CCDC14: variants seen among roughly 807,000 people sequenced by gnomAD.
CCDC14 encodes the protein coiled-coil domain containing 14.
CCDC14 carries 71 observed loss-of-function variants against 81.4 expected under a neutral mutation model. That is an observed-to-expected ratio of 0.87 (90% CI 0.72 to 1.06). The LOEUF is 1.06. Ranked by LOEUF, CCDC14 falls within the 50% of genes least tolerant of loss-of-function variation. The pLI, the probability that CCDC14 is intolerant of heterozygous loss-of-function variation, is 0.00. For synonymous variants in CCDC14, 332 were observed against 364.8 expected (o/e 0.91, Z 1.03); for missense variants, 1,046 against 1,047.3 (o/e 1.00, Z 0.02).
chr3:123,955,599 G>C (rs1456610903), intron 5 of CCDC14: 2 of 310,922 alleles, frequency 6.4e-6, no homozygotes, highest in African/African-American at 2.2e-5. Context: ...ATGTCATTCT[G>C]AGTTTGAACT....
chr3:123,893,138 G>A (rs572725601), downstream of CCDC14, among the ~76,000 whole-genome samples: 6 of 152,244 alleles, frequency 3.9e-5, no homozygotes, highest in South Asian at 1.2e-3. Context: ...CAATTTAGTA[G>A]CATTAAGTAC....
chr3:123,945,048 A>T, intron 8 of CCDC14, 58 bp from the exon 9 acceptor site: 1 of 1,178,854 alleles, frequency 8.5e-7, no homozygotes, highest in Non-Finnish European at 1.2e-6. Context: ...CAAGATTATT[A>T]GTATGTATTA....
chr3:123,893,249 C>T (rs907065062), downstream of CCDC14, among the ~76,000 whole-genome samples: 3 of 152,296 alleles, frequency 2.0e-5, no homozygotes, highest in East Asian at 5.8e-4. Context: ...CTCTTCCCTC[C>T]AACACCTGGT....
chr3:123,904,503 G>A (rs2034256086), intron 5 of CCDC14, among the ~76,000 whole-genome samples: 1 of 151,750 alleles, frequency 6.6e-6, no homozygotes, highest in African/African-American at 2.4e-5. Context: ...TTATGTGTAT[G>A]TATAAAGAAT....
At position 123,915,199 on chromosome 3, in the gene CCDC14, G is replaced by A. The variant is rs2700373; in HGVS notation, c.2298C>T (p.Ser766=). ...TTTCTTTTCCAGAGACAGCAAGTCC[G>A]CTGTTGCTGACTAGCTGTGTTGTAG... The part of the protein sequence containing the change: ...RAATTQLVSN[S]GLAVSGKENK... The change falls in exon 13 of 13, where the codon AGC becomes AGT. Residue 766 remains serine (S), a synonymous_variant. Transcript: ENST00000409697. 0.77 allele frequency: 1,243,970 copies of A among 1,613,716 alleles called. 482,064 individuals are homozygous for A. Among genetic ancestry groups the A allele is most frequent in the African/African-American group, 0.94 (70,281 of 75,042 alleles).
Position 123,931,118 on chromosome 3 carries a change from G to A in CCDC14, c.1762C>T (p.Leu588=). 1 of 1,587,470 alleles carries A rather than the reference G, an allele frequency of 6.3e-7. No homozygotes were observed. The highest frequency in any genetic ancestry group is 1.2e-5 in the South Asian group (1 of 85,248). ...LRQRDAEVTR[L]RELTRTLQTS... Reference sequence around the variant, plus strand: ...CAATTTTACCTGGTTAATTCTCTTAGTCGAGTCACCTCAGCATCACGCTGA... The same window carrying A: ...CAATTTTACCTGGTTAATTCTCTTAATCGAGTCACCTCAGCATCACGCTGA... The change falls in exon 12 of 13, where the codon CTA becomes TTA. Residue 588 remains leucine, a synonymous_variant. Transcript: ENST00000409697.
intron 5 of CCDC14, among the ~76,000 whole-genome samples, chr3:123,904,915 T>TG (rs2034272768): frequency 1.3e-5 from 2 of 151,960 alleles, no homozygotes; most frequent in Non-Finnish European, 1.5e-5. Context: ...TGCAGATGAA[T>TG]GGGGGGAGAA....
chr3:123,889,660 T>G, the CCDC14 span, among the ~76,000 whole-genome samples: 1 of 152,188 alleles, frequency 6.6e-6, no homozygotes, highest in Non-Finnish European at 1.5e-5. Context: ...CTGCAGCTTT[T>G]CCAGGTGCAT....
At chr3:123,934,285 A>AAAAC (rs2035933582) in intron 9 of CCDC14, among the ~76,000 whole-genome samples, 1 of 150,666 alleles carries the variant, frequency 6.6e-6, no homozygotes, top group Non-Finnish European at 1.5e-5. Context: ...AAAAAAAAAA[A>AAAAC]AAAAAAAAAA....
chr3:123,891,373 A>G, the CCDC14 span, among the ~76,000 whole-genome samples: 1 of 152,220 alleles, frequency 6.6e-6, no homozygotes, highest in Non-Finnish European at 1.5e-5. Context: ...ATCAGGCTGC[A>G]AATTTTCTGA....
At chr3:123,898,159 C>T (rs1167354643) in intron 5 of CCDC14, among the ~76,000 whole-genome samples, 1 of 152,146 alleles carries the variant, frequency 6.6e-6, no homozygotes, top group Non-Finnish European at 1.5e-5. Flanking sequence ...AGCTATGTGA[C>T]CTTGCACAAG....
At chr3:123,920,696 T>C (rs949299195) in intron 12 of CCDC14, among the ~76,000 whole-genome samples, 2 of 152,228 alleles carry the variant, frequency 1.3e-5, no homozygotes, top group African/African-American at 2.4e-5. Context: ...CTAAAACAAG[T>C]TCTTTAAGCT....
intron 8 of CCDC14, 49 bp downstream of exon 8, chr3:123,946,754 T>G: frequency 1.3e-6 from 2 of 1,499,028 alleles, no homozygotes; most frequent in Non-Finnish European, 1.8e-6. Context: ...AACATGACAT[T>G]GCTATTTAGT....
chr3:123,911,756 G>C (rs1224221429), downstream of CCDC14, among the ~76,000 whole-genome samples: 1 of 152,094 alleles, frequency 6.6e-6, no homozygotes, highest in Non-Finnish European at 1.5e-5. Flanking sequence ...CTTTAGCTGA[G>C]GGAATGTGAG....
At chr3:123,923,749 T>G (rs1173695472) in intron 12 of CCDC14, among the ~76,000 whole-genome samples, 5 of 150,870 alleles carry the variant, frequency 3.3e-5, no homozygotes, top group African/African-American at 1.2e-4. Flanking sequence ...ACATATATTA[T>G]TAGTATATAC....
At chr3:123,909,460 C>T (rs573272724), downstream of CCDC14, among the ~76,000 whole-genome samples, 1 of 152,270 alleles carries the variant, frequency 6.6e-6, no homozygotes, top group South Asian at 2.1e-4. Flanking sequence ...AACCCGTCTA[C>T]TTTAAAACAA....
intron 5 of CCDC14, among the ~76,000 whole-genome samples, chr3:123,899,883 T>C (rs907772392): frequency 6.6e-6 from 1 of 152,224 alleles, no homozygotes; most frequent in Non-Finnish European, 1.5e-5. Context: ...GAACATGCCA[T>C]GGTAGTTCAG....
intron 12 of CCDC14, among the ~76,000 whole-genome samples, chr3:123,923,958 C>G (rs1348248284): frequency 8.2e-6 from 1 of 122,572 alleles, no homozygotes; most frequent in Non-Finnish European, 1.7e-5. Flanking sequence ...AAAATTCATA[C>G]AGAATCATTA....
chr3:123,926,020 CTAAT>C (rs150841993), intron 12 of CCDC14, among the ~76,000 whole-genome samples: 3,786 of 152,106 alleles, frequency 0.025, 147 homozygotes, highest in African/African-American at 0.084. Flanking sequence ...TAATGACCCA[CTAAT>C]TAATTTGATC....
Sources: allele counts gnomAD v4.1 joint callset (sites outside exome capture counted in the v4.1 genomes callset), GRCh38; gene constraint gnomAD v4.1.1; transcripts MANE v1.5; gene names NCBI Gene and HGNC (gene_info 2026-07-23, HGNC 2026-07-21).